Variants in ALPK1 observed in about 807,000 individuals in gnomAD.
ALPK1 encodes alpha kinase 1, also known as alpha-protein kinase 1.
A neutral mutation model predicts 120.6 loss-of-function variants in ALPK1; 110 were observed. The ratio of observed to expected loss-of-function variants is 0.91; its 90% CI spans 0.78 to 1.07. ALPK1 has a LOEUF of 1.07. Ranked by LOEUF, ALPK1 falls within the 50% of genes least tolerant of loss-of-function variation. ALPK1 has a pLI of 0.00. For missense variants in ALPK1, 1,498 were observed against 1,483.9 expected (o/e 1.01, Z -0.16); for synonymous variants, 582 against 560.3 (o/e 1.04, Z -0.55).
chr4:112,427,895 G>A, intron 9 of ALPK1: 1 of 364,286 alleles, frequency 2.7e-6, no homozygotes, highest in East Asian at 4.1e-5. Flanking sequence ...GAAAGTTACT[G>A]GTGAATGAAT....
intron 14 of ALPK1, among the ~76,000 whole-genome samples, chr4:112,440,279 G>A (rs1428807694): frequency 6.6e-6 from 1 of 152,002 alleles, no homozygotes; most frequent in Non-Finnish European, 1.5e-5. Flanking sequence ...TTTCATAATG[G>A]GGGTCATTAT....
chr4:112,312,493 C>T (rs774272184), intron 1 of ALPK1, among the ~76,000 whole-genome samples: 2 of 152,150 alleles, frequency 1.3e-5, no homozygotes, highest in Admixed American at 6.5e-5. Flanking sequence ...AGGATGGTCT[C>T]GATCTCCTAA....
chr4:112,433,539 C>G (rs548212049), intron 11 of ALPK1, among the ~76,000 whole-genome samples: 10 of 152,168 alleles, frequency 6.6e-5, no homozygotes, highest in African/African-American at 2.4e-4. Flanking sequence ...CTACTTCTTG[C>G]TTAAGGAACA....
intron 10 of ALPK1, among the ~76,000 whole-genome samples, chr4:112,429,833 C>T (rs117285039): frequency 0.013 from 1,468 of 112,062 alleles, 48 homozygotes; most frequent in East Asian, 0.096. Flanking sequence ...GAGCAAGACC[C>T]TACCTCAAAA....
intron 2 of ALPK1, among the ~76,000 whole-genome samples, chr4:112,349,679 G>A (rs1229050032): frequency 2.0e-5 from 3 of 150,988 alleles, no homozygotes; most frequent in Admixed American, 6.7e-5. Flanking sequence ...TCAGTCTCCC[G>A]AGTAGCTGGG....
At position 112,320,786 on chromosome 4, in the gene ALPK1, G is replaced by A. The variant is rs1225213180; in HGVS notation, c.-101+4934G>A. Among the ~76,000 whole-genome samples the A allele has an allele frequency of 2.0e-5, 3 of 151,976 alleles. No homozygotes were observed. In the East Asian group the frequency reaches 5.8e-4, roughly 29 times the overall value. On this transcript the variant is annotated intron_variant, in intron 2 of 15. Transcript: ENST00000650871. ...TCTAGGAGGGTTGCATACTTCCAGA[G>A]AGTTATTAATCTCCTCTAGGTCTTC...
At chr4:112,388,334 G>A (rs1309337163) in intron 4 of ALPK1, among the ~76,000 whole-genome samples, 1 of 152,174 alleles carries the variant, frequency 6.6e-6, no homozygotes, top group Admixed American at 6.5e-5. Context: ...GAGCTCAGGG[G>A]ATGGAGGAGA....
chr4:112,402,613 CGTGT>C (rs897739735), intron 4 of ALPK1, among the ~76,000 whole-genome samples: 2 of 152,160 alleles, frequency 1.3e-5, no homozygotes, highest in African/African-American at 4.8e-5. Context: ...AAAACAACTG[CGTGT>C]GTGTCTATGC....
intron 4 of ALPK1, among the ~76,000 whole-genome samples, chr4:112,399,386 G>A (rs1307915184): frequency 6.6e-6 from 1 of 152,198 alleles, no homozygotes; most frequent in African/African-American, 2.4e-5. Flanking sequence ...AATGGTCACT[G>A]GATTTGTTAG....
intron 5 of ALPK1, chr4:112,423,707 A>C (rs1275378694): frequency 4.6e-6 from 3 of 650,318 alleles, no homozygotes; most frequent in Non-Finnish European, 8.5e-6. Flanking sequence ...CATACATATG[A>C]ATCTAATTTT....
rs781466295 is a variant in ALPK1, at chr4:112,429,132, C to T, written c.796-17C>T. 1.2e-6 allele frequency: 2 copies of T among 1,606,536 alleles called. No homozygotes were observed. The highest frequency in any genetic ancestry group is 1.1e-5 in the South Asian group (1 of 90,922). The stretch of plus-strand genomic sequence containing the variant: ...ATTAATTATCACCATTCCACTTAGC[C>T]TCCTGTTTTCTCACAGAGCCTGCTG... On this transcript the variant is annotated splice_polypyrimidine_tract_variant and intron_variant, in intron 9 of 15. Coordinates refer to ENST00000650871, the MANE Select transcript of ALPK1 (RefSeq NM_025144.4).
chr4:112,305,488 A>G (rs1265050682), intron 1 of ALPK1, among the ~76,000 whole-genome samples: 3 of 151,976 alleles, frequency 2.0e-5, no homozygotes, highest in South Asian at 4.2e-4. Context: ...TTGGATTCCT[A>G]GGTATTTTAT....
At chr4:112,342,642 C>T (rs1449461512) in intron 2 of ALPK1, among the ~76,000 whole-genome samples, 3 of 152,270 alleles carry the variant, frequency 2.0e-5, no homozygotes, top group Non-Finnish European at 2.9e-5. Context: ...TTTCATTTTG[C>T]CTAACTAGTT....
At chr4:112,425,451 C>CCTA in intron 6 of ALPK1, 1 of 380,082 alleles carries the variant, frequency 2.6e-6, no homozygotes, top group Non-Finnish European at 5.0e-6. Context: ...GTAGAGTGGA[C>CCTA]AGAGAGTAAG....
At chr4:112,356,143 G>A (rs748495307) in intron 2 of ALPK1, 20 of 1,600,194 alleles carry the variant, frequency 1.2e-5, no homozygotes, top group Non-Finnish European at 1.7e-5. Context: ...ATATGCCCAA[G>A]ATAGTCCTGA....
intron 7 of ALPK1, chr4:112,425,962 G>T: frequency 2.4e-6 from 1 of 419,392 alleles, no homozygotes; most frequent in Non-Finnish European, 4.4e-6. Context: ...TTGTTAGAGA[G>T]GTTCACGGTT....
chr4:112,354,859 C>T lies in ALPK1; in HGVS notation c.-100-22819C>T, dbSNP rs1259465911. Among the ~76,000 whole-genome samples the T allele has an allele frequency of 2.6e-5, 4 of 152,162 alleles. No homozygotes were observed. In the South Asian group the frequency reaches 8.3e-4, roughly 32 times the overall value. ...TATTGACATTTGGTATAACACTGTG[C>T]TCTCCTCATTATTTTTCATCAGGAA... On this transcript the variant is annotated intron_variant, in intron 2 of 15. Transcript: ENST00000650871.
In ALPK1 at chr4:112,377,861, G is replaced by A. The variant is rs780322472; in HGVS notation, c.84G>A (p.Val28=). 39 of 1,613,484 alleles carry A rather than the reference G, an allele frequency of 2.4e-5. No individual in the cohort carries two copies. Among genetic ancestry groups the A allele is most frequent in the Admixed American group, 1.0e-4 (6 of 59,976 alleles). ...LDQLLLEAPD[V]SEEDKSEDQR... ...AGCTCTTGTTGGAAGCGCCAGATGTGTCGGAAGAGGACAAGAGCGAGGACC... is the reference window on the plus strand; with the variant it reads ...AGCTCTTGTTGGAAGCGCCAGATGTATCGGAAGAGGACAAGAGCGAGGACC... The change falls in exon 3 of 16, where the codon GTG becomes GTA. Residue 28 remains valine, a synonymous_variant. Coordinates refer to ENST00000650871, the MANE Select transcript of ALPK1 (RefSeq NM_025144.4).
At chr4:112,357,335 G>A (rs1056336545) in intron 2 of ALPK1, 3 of 823,052 alleles carry the variant, frequency 3.6e-6, no homozygotes, top group Middle Eastern at 2.9e-4. Context: ...GTTCAGTGTA[G>A]ACCCCTCCGA....
Sources: allele counts gnomAD v4.1 joint callset (sites outside exome capture counted in the v4.1 genomes callset), GRCh38; gene constraint gnomAD v4.1.1; transcripts MANE v1.5; gene names NCBI Gene and HGNC (gene_info 2026-07-23, HGNC 2026-07-21).